CACNB4: variants seen among roughly 807,000 people sequenced by gnomAD.
CACNB4 encodes voltage-dependent L-type calcium channel subunit beta-4.
A neutral mutation model predicts 71.2 loss-of-function variants in CACNB4; 32 were observed. That is an observed-to-expected ratio of 0.45 (90% CI 0.34 to 0.60). The LOEUF (loss-of-function observed/expected upper bound fraction) is 0.60, where lower values mean the gene tolerates loss of function less well. Ranked by LOEUF, CACNB4 falls within the 20% of genes least tolerant of loss-of-function variation. CACNB4 has a pLI of 0.01. For missense variants in CACNB4, 464 were observed against 647.9 expected (o/e 0.72, Z 3.08); for synonymous variants, 231 against 236.9 (o/e 0.97, Z 0.23).
chr2:151,882,353 C>CT (rs2099848127), intron 3 of CACNB4, among the ~76,000 whole-genome samples: 1 of 151,830 alleles, frequency 6.6e-6, no homozygotes, highest in Admixed American at 6.6e-5. Context: ...CATGCACAGC[C>CT]TCTCACCTCT....
At chr2:151,876,684 A>G (rs902847251) in intron 4 of CACNB4, 128 bp from the exon 5 acceptor site, 29 of 468,452 alleles carry the variant, frequency 6.2e-5, no homozygotes, top group Middle Eastern at 6.1e-4. Flanking sequence ...TATATAAACT[A>G]TATTTTATAT....
chr2:151,897,489 T>C (rs750628916), intron 2 of CACNB4, among the ~76,000 whole-genome samples: 2 of 152,208 alleles, frequency 1.3e-5, no homozygotes, highest in African/African-American at 2.4e-5. Flanking sequence ...CGTCTGCTCA[T>C]CAATTTGTTG....
intron 2 of CACNB4, among the ~76,000 whole-genome samples, chr2:151,893,600 A>G (rs1442200034): frequency 6.6e-6 from 1 of 152,182 alleles, no homozygotes; most frequent in East Asian, 1.9e-4. Context: ...TATTATATAT[A>G]TAACACACAT....
At position 151,938,664 on chromosome 2, in the gene CACNB4, CA is replaced by C. The variant is rs557295579; in HGVS notation, c.148-55295del. Among the ~76,000 whole-genome samples the C allele has an allele frequency of 5.9e-3, 891 of 152,242 alleles. 10 individuals carry two copies. Among genetic ancestry groups the C allele is most frequent in the African/African-American group, 0.02 (842 of 41,548 alleles). On this transcript the variant is annotated intron_variant, in intron 2 of 13. Transcript: ENST00000539935. ...AGAATACAAGATTTTTTTAAAAAAC[CA>C]ATGAGTCATTTGAAATATGAGAAAG...
chr2:151,895,399 T>C (rs2099851807), intron 2 of CACNB4, among the ~76,000 whole-genome samples: 1 of 151,962 alleles, frequency 6.6e-6, no homozygotes, highest in Admixed American at 6.6e-5. Context: ...CCCAGGAGCA[T>C]GGCACAGACC....
intron 2 of CACNB4, among the ~76,000 whole-genome samples, chr2:151,952,609 C>T (rs529810064): frequency 2.0e-5 from 3 of 152,194 alleles, no homozygotes; most frequent in South Asian, 2.1e-4. Context: ...TGCCTTAGAA[C>T]GCTAGAGGCT....
chr2:152,086,738 C>T (rs1319619731), intron 2 of CACNB4, among the ~76,000 whole-genome samples: 3 of 152,148 alleles, frequency 2.0e-5, no homozygotes, highest in African/African-American at 7.2e-5. Context: ...TTAATCCTGT[C>T]GATCACATCC....
chr2:152,091,343 T>G (rs1185876224), intron 2 of CACNB4, among the ~76,000 whole-genome samples: 2 of 152,190 alleles, frequency 1.3e-5, no homozygotes, highest in Non-Finnish European at 2.9e-5. Flanking sequence ...GCAAGGAAGG[T>G]CTACTTACAG....
chr2:151,922,675 G>A lies in CACNB4; in HGVS notation c.148-39305C>T, dbSNP rs546914363. 5.9e-5 allele frequency among the ~76,000 whole-genome samples: 9 copies of A among 152,270 alleles called. No individual in the cohort carries two copies. The South Asian group carries it at 1.9e-3, about 32-fold the overall frequency. ...ATGATTCATGACATTTCCAGTATCA[G>A]ATCTTTGGCATGTATAGTCTGAAGT... On this transcript the variant is annotated intron_variant, in intron 2 of 13. Coordinates refer to ENST00000539935, the MANE Select transcript of CACNB4 (RefSeq NM_000726.5).
chr2:151,912,261 G>T (rs367973567), intron 2 of CACNB4, among the ~76,000 whole-genome samples: 2 of 152,184 alleles, frequency 1.3e-5, no homozygotes, highest in South Asian at 4.2e-4. Context: ...GTGATGTTAG[G>T]GTGTTGATGT....
chr2:151,931,147 T>C (rs746185724), intron 2 of CACNB4, among the ~76,000 whole-genome samples: 7 of 152,232 alleles, frequency 4.6e-5, no homozygotes, highest in Non-Finnish European at 7.3e-5. Context: ...TTTCCTCTGG[T>C]TGAATTCTCA....
intron 2 of CACNB4, among the ~76,000 whole-genome samples, chr2:151,893,961 CT>C (rs1337079912): frequency 2.6e-5 from 4 of 152,136 alleles, no homozygotes; most frequent in Non-Finnish European, 5.9e-5. Context: ...AAAAAGAAAA[CT>C]ACAGGCCAAT....
At chr2:151,840,112 C>T (rs1165578351) in intron 13 of CACNB4, among the ~76,000 whole-genome samples, 2 of 152,124 alleles carry the variant, frequency 1.3e-5, no homozygotes, top group African/African-American at 4.8e-5. Flanking sequence ...CATTTTTCTC[C>T]ACTATGAGAA....
At chr2:152,083,473 T>C (rs541229348) in intron 2 of CACNB4, among the ~76,000 whole-genome samples, 11 of 152,226 alleles carry the variant, frequency 7.2e-5, no homozygotes, top group Non-Finnish European at 7.4e-5. Context: ...CGTGGATAAA[T>C]GGGAGATCCT....
Position 152,083,115 on chromosome 2 carries a change from C to T in CACNB4, c.147+15215G>A, listed in dbSNP as rs577508013. On this transcript the variant is annotated intron_variant, in intron 2 of 13. Transcript: ENST00000539935. ...TGTGGGGCTGACCTCAATCTCATCT[C>T]TAGGTAGCCAACTGCTGCCTTAAGA... Among the ~76,000 whole-genome samples, 109 of 152,292 alleles carry T rather than the reference C, an allele frequency of 7.2e-4. No homozygotes were observed. In the South Asian group the frequency reaches 9.3e-3, roughly 13 times the overall value.
chr2:152,070,135 G>A (rs901636183), intron 2 of CACNB4, among the ~76,000 whole-genome samples: 4 of 152,048 alleles, frequency 2.6e-5, no homozygotes, highest in East Asian at 1.9e-4. Context: ...GAGCCACCAC[G>A]CCTGGCCAAC....
intron 2 of CACNB4, among the ~76,000 whole-genome samples, chr2:151,903,675 A>G (rs1162317373): frequency 6.6e-6 from 1 of 152,200 alleles, no homozygotes; most frequent in African/African-American, 2.4e-5. Flanking sequence ...TTTTCCAAAC[A>G]TATCTCATCC....
At chr2:151,920,130 T>C (rs2099858547) in intron 2 of CACNB4, among the ~76,000 whole-genome samples, 1 of 124,928 alleles carries the variant, frequency 8.0e-6, no homozygotes. Context: ...TGTTTTTCCT[T>C]TGTAAATAGA....
At chr2:151,870,282 T>C (rs2099844275) in intron 8 of CACNB4, 1 of 703,012 alleles carries the variant, frequency 1.4e-6, no homozygotes, top group African/African-American at 1.7e-5. Flanking sequence ...TGACCAGATC[T>C]TCCCATTGTG....
Sources: gnomAD v4.1 joint callset for allele counts (sites outside exome capture counted in the v4.1 genomes callset) on GRCh38, gnomAD v4.1.1 for gene constraint, MANE v1.5 for transcripts, NCBI Gene and HGNC (gene_info 2026-07-23, HGNC 2026-07-21) for gene names.